ZNF133: variants seen among roughly 807,000 people sequenced by gnomAD.
The protein encoded by ZNF133 is zinc finger protein 133.
In ZNF133, 26 loss-of-function variants were observed where a neutral mutation model predicts 54.9. That is an observed-to-expected ratio of 0.47 (90% CI 0.35 to 0.66). The LOEUF (loss-of-function observed/expected upper bound fraction) is 0.66. Among genes scored for constraint, ZNF133 ranks in the 30% least tolerant of loss-of-function variants. ZNF133 has a pLI of 0.01. For missense variants in ZNF133, 653 were observed against 820.8 expected, an observed-to-expected ratio of 0.80 and a Z score of 2.50; for synonymous variants, 298 against 320.3, an observed-to-expected ratio of 0.93 and a Z score of 0.74.
In ZNF133 at chr20:18,305,584, C is replaced by G; in HGVS notation, c.-6-97C>G. On this transcript the variant is annotated intron_variant, in intron 4 of 6. Coordinates refer to ENST00000425686, the MANE Select transcript of ZNF133 (RefSeq NM_001352452.2). This position sits in a 1 kb window ranked among gnomAD's most constrained non-coding sequence, Gnocchi z 4.7. ...ACCAGGGTCACTGGGATCTTGATATCTCACCTGCCTCCCCCAGGGCAGCCT... is the reference window on the plus strand; with the variant it reads ...ACCAGGGTCACTGGGATCTTGATATGTCACCTGCCTCCCCCAGGGCAGCCT... 2 of 1,568,504 alleles carry G rather than the reference C, an allele frequency of 1.3e-6. No homozygotes were observed. Among genetic ancestry groups the G allele is most frequent in the South Asian group, 2.3e-5 (2 of 87,454 alleles).
chr20:18,309,320 G>A (rs1157636822), intron 6 of ZNF133, among the ~76,000 whole-genome samples: 3 of 152,148 alleles, frequency 2.0e-5, no homozygotes, highest in Non-Finnish European at 2.9e-5. Context: ...ACTCTCCGCC[G>A]AATATATAGT....
At chr20:18,313,654 C>A (rs1363548253) in intron 6 of ZNF133, 1 of 152,250 alleles carries the variant, frequency 6.6e-6, no homozygotes, top group African/African-American at 2.4e-5. Flanking sequence ...CCACCCAACT[C>A]AAGTTTCCAT....
chr20:18,316,610 T>C lies in ZNF133; in HGVS notation c.1759T>C (p.Phe587Leu). The change falls in exon 7 of 7, where the codon TTT becomes CTT. Residue 587 changes from phenylalanine (F) to leucine (L), a missense_variant. Around this residue, in one of 4 missense-constraint regions of ZNF133, gnomAD observed 129 missense variants for 138.5 expected, o/e 0.93. Transcript: ENST00000425686. ...PCVCRECGQG[F>L]LQKSHLTLHQ... ...TGTGTGCAGAGAGTGTGGCCAAGGC[T>C]TTCTCCAAAAGTCACACCTCACCTT... 6.2e-7 allele frequency: 1 copy of C among 1,614,054 alleles called. No homozygotes were observed. The highest frequency in any genetic ancestry group is 8.5e-7 in the Non-Finnish European group (1 of 1,180,044).
intron 6 of ZNF133, chr20:18,310,305 A>G: frequency 6.5e-7 from 1 of 1,532,566 alleles, no homozygotes; most frequent in Non-Finnish European, 8.7e-7. Flanking sequence ...AGACTGTTCT[A>G]GGTATAAAAT....
intron 6 of ZNF133, 50 bp from the exon 7 acceptor site, chr20:18,315,019 C>T: frequency 6.7e-7 from 1 of 1,501,688 alleles, no homozygotes; most frequent in African/African-American, 1.4e-5. Context: ...GCTGATTGCT[C>T]AGGCTGCCCA....
chr20:18,302,247 A>C (rs2043526772), intron 3 of ZNF133, among the ~76,000 whole-genome samples: 1 of 151,946 alleles, frequency 6.6e-6, no homozygotes, highest in Non-Finnish European at 1.5e-5. Flanking sequence ...CTGAAAATAC[A>C]AAAAAATTAG....
chr20:18,314,572 C>G (rs2046981379), intron 6 of ZNF133: 1 of 152,492 alleles, frequency 6.6e-6, no homozygotes, highest in African/African-American at 2.4e-5. Context: ...TGTTTCACTA[C>G]CCTCTCATGC....
chr20:18,313,316 G>A (rs1830591900), intron 6 of ZNF133: 1 of 152,144 alleles, frequency 6.6e-6, no homozygotes, highest in South Asian at 2.1e-4. Flanking sequence ...TTCTCTGAAG[G>A]CGCTTCTATA....
intron 6 of ZNF133, chr20:18,314,502 T>C (rs1468391451): frequency 6.6e-6 from 1 of 152,256 alleles, no homozygotes; most frequent in Non-Finnish European, 1.5e-5. Flanking sequence ...AATTCTGGCA[T>C]AGAGTAATCT....
At chr20:18,307,061 T>C (rs1056071080) in intron 6 of ZNF133, among the ~76,000 whole-genome samples, 2 of 151,534 alleles carry the variant, frequency 1.3e-5, no homozygotes, top group East Asian at 1.9e-4. Context: ...TCACCCCCCC[T>C]CCCAACATCC....
In ZNF133 at chr20:18,316,996, A is replaced by G. The variant is rs562012167; in HGVS notation, c.*180A>G. 2 of 682,096 alleles carry G rather than the reference A, an allele frequency of 2.9e-6. No individual in the cohort carries two copies. Among genetic ancestry groups the G allele is most frequent in the Non-Finnish European group, 4.8e-6 (2 of 417,218 alleles). The allele number at this position is 682,096 out of a possible 1,614,324, so 42.3% of individuals were successfully genotyped here. A position where few individuals can be genotyped will look rare whatever the true frequency, so the allele number is the denominator to read the frequency against. On this transcript the variant is annotated 3_prime_UTR_variant, in exon 7 of 7. Transcript: ENST00000425686. The stretch of plus-strand genomic sequence containing the variant: ...AACTTGGCTTCTTTATACATCTGTA[A>G]CTGTGCCTGTGTCCCTCATTCACTC...
At chr20:18,314,837 A>G in intron 6 of ZNF133, 1 of 421,176 alleles carries the variant, frequency 2.4e-6, no homozygotes, top group Non-Finnish European at 4.2e-6. Context: ...CAAAAATGCC[A>G]GGGATGCTTG....
At chr20:18,288,729 TGTG>T (rs2040206927) in intron 1 of ZNF133, 125 bp downstream of exon 1, 1 of 398,014 alleles carries the variant, frequency 2.5e-6, no homozygotes, top group East Asian at 3.6e-5. Flanking sequence ...GGGTGGTGAT[TGTG>T]GTGGGAACGC....
At chr20:18,300,158 G>A (rs1156252574) in intron 3 of ZNF133, among the ~76,000 whole-genome samples, 2 of 152,166 alleles carry the variant, frequency 1.3e-5, no homozygotes, top group Non-Finnish European at 2.9e-5. Flanking sequence ...TGACCACACA[G>A]TGCATAAAGA....
In ZNF133 at chr20:18,288,556, A is replaced by C. The variant is rs868075567; in HGVS notation, c.-480A>C. The C allele has an allele frequency of 1.5e-5, 6 of 398,274 alleles. No homozygotes were observed. The highest frequency in any genetic ancestry group is 1.2e-4 in the African/African-American group (6 of 48,546). 24.7% of individuals were successfully genotyped at this position (398,274 alleles called of 1,614,324 possible). On this transcript the variant is annotated 5_prime_UTR_variant, in exon 1 of 7. Coordinates refer to ENST00000425686, the MANE Select transcript of ZNF133 (RefSeq NM_001352452.2). The stretch of plus-strand genomic sequence containing the variant: ...TGTAGTCCTGGCGCCCCGCTGGAGG[A>C]GCTCCCCAGCTGGTGGCTGGAGCGA...
At chr20:18,290,843 T>C (rs1364464185) in intron 1 of ZNF133, among the ~76,000 whole-genome samples, 1 of 152,136 alleles carries the variant, frequency 6.6e-6, no homozygotes, top group East Asian at 1.9e-4. Context: ...AGTTGTGTCC[T>C]CCTGGCCGGG....
rs2044329971 is a variant in ZNF133, at chr20:18,305,279, G to A, written c.-7+101G>A. 5 of 858,890 alleles carry A rather than the reference G, an allele frequency of 5.8e-6. No homozygotes were observed. The highest frequency in any genetic ancestry group is 1.8e-5 in the African/African-American group (1 of 54,418). 53.2% of individuals were successfully genotyped at this position (858,890 alleles called of 1,614,324 possible). A position where few individuals can be genotyped will look rare whatever the true frequency, so the allele number is the denominator to read the frequency against. On this transcript the variant is annotated intron_variant, in intron 4 of 6. Transcript: ENST00000425686. This position sits in a 1 kb window ranked among gnomAD's most constrained non-coding sequence, Gnocchi z 4.7. ...CTCTCTGCTTGTGACCATCAGGCCC[G>A]AGAAAGCCAAGCCGTAGGATTTTGA...
At chr20:18,314,886 T>C in intron 6 of ZNF133, 183 bp from the exon 7 acceptor site, 1 of 554,386 alleles carries the variant, frequency 1.8e-6, no homozygotes, top group Non-Finnish European at 3.0e-6. Flanking sequence ...ACAAGTGGGT[T>C]TTCTAGATTG....
chr20:18,315,000 T>G lies in ZNF133; in HGVS notation c.218-69T>G, dbSNP rs1300790865. ...CCTAAGTGTTTTGAAGCCTAGGGGATCTGACTAAGCTGATTGCTCAGGCTG... is the reference window on the plus strand; with the variant it reads ...CCTAAGTGTTTTGAAGCCTAGGGGAGCTGACTAAGCTGATTGCTCAGGCTG... On this transcript the variant is annotated intron_variant, in intron 6 of 6. Transcript: ENST00000425686. The G allele has an allele frequency of 2.7e-6, 4 of 1,464,862 alleles. No homozygotes were observed. In the African/African-American group the frequency reaches 4.2e-5, roughly 16 times the overall value. The allele number at this position is 1,464,862 out of a possible 1,614,324, so 90.7% of individuals were successfully genotyped here.
Sources: gnomAD v4.1 joint callset for allele counts (sites outside exome capture counted in the v4.1 genomes callset) on GRCh38, gnomAD v4.1.1 for gene constraint, gnomAD v4.1.1 regional missense constraint, Gnocchi (gnomAD v3.1) non-coding constraint, MANE v1.5 for transcripts, NCBI Gene and HGNC (gene_info 2026-07-23, HGNC 2026-07-21) for gene names.